CNN3: variants seen among roughly 807,000 people sequenced by gnomAD.
CNN3 encodes the protein calponin 3.
A neutral mutation model predicts 39.0 loss-of-function variants in CNN3; 11 were observed. The ratio of observed to expected loss-of-function variants is 0.28; its 90% confidence interval spans 0.18 to 0.47. The LOEUF is 0.47. CNN3 is among the 20% of genes least tolerant of loss of function. CNN3 has a pLI of 0.99. For missense variants in CNN3, 266 were observed against 403.4 expected, an observed-to-expected ratio of 0.66 and a Z score of 2.92; for synonymous variants, 101 against 138.3, an observed-to-expected ratio of 0.73 and a Z score of 1.89.
At position 94,897,619 on chromosome 1, in the gene CNN3, T is replaced by C; in HGVS notation, c.*123A>G. 1 of 908,646 alleles carries C rather than the reference T, an allele frequency of 1.1e-6. No individual in the cohort carries two copies. The highest frequency in any genetic ancestry group is 1.6e-6 in the Non-Finnish European group (1 of 606,990). The allele number at this position is 908,646 out of a possible 1,614,324, so 56.3% of individuals were successfully genotyped here. A position where few individuals can be genotyped will look rare whatever the true frequency, so the allele number is the denominator to read the frequency against. On this transcript the variant is annotated 3_prime_UTR_variant, in exon 7 of 7. Coordinates refer to ENST00000370206, the MANE Select transcript of CNN3 (RefSeq NM_001839.5). ...AAAAAGGAATGTACGTAAGGCAATT[T>C]TTCTTAAAAGTACAATAAGCTTAAT...
chr1:94,910,789 C>A (rs958735771), intron 1 of CNN3, among the ~76,000 whole-genome samples: 1 of 152,182 alleles, frequency 6.6e-6, no homozygotes, highest in Admixed American at 6.5e-5. Flanking sequence ...CACACAACAG[C>A]ATGCACGCCC....
At chr1:94,917,278 C>T (rs911063425) in intron 1 of CNN3, among the ~76,000 whole-genome samples, 3 of 152,126 alleles carry the variant, frequency 2.0e-5, no homozygotes, top group African/African-American at 7.2e-5. Flanking sequence ...TCAGTTGATC[C>T]GCCCACCTCA....
In CNN3 at chr1:94,903,673, C is replaced by T. The variant is rs1238669204; in HGVS notation, c.58-149G>A. ...CAATAGATCTCAATGGCAAACTTAACCGTTACAACTTCAGTAACTAATAAC... is the reference window on the plus strand; with the variant it reads ...CAATAGATCTCAATGGCAAACTTAATCGTTACAACTTCAGTAACTAATAAC... On this transcript the variant is annotated intron_variant, in intron 1 of 6. Transcript: ENST00000370206. The T allele has an allele frequency of 6.6e-6, 7 of 1,058,926 alleles. No homozygotes were observed. In the African/African-American group the frequency reaches 1.2e-4, roughly 17 times the overall value. 65.6% of individuals were successfully genotyped at this position (1,058,926 alleles called of 1,614,324 possible). A position where few individuals can be genotyped will look rare whatever the true frequency, so the allele number is the denominator to read the frequency against.
intron 1 of CNN3, among the ~76,000 whole-genome samples, chr1:94,905,977 C>T (rs1345278557): frequency 2.0e-5 from 3 of 152,098 alleles, no homozygotes; most frequent in Admixed American, 1.3e-4. Flanking sequence ...TTGGCAGACA[C>T]ATTTTTTAAA....
chr1:94,904,491 T>C (rs551672154), intron 1 of CNN3, among the ~76,000 whole-genome samples: 7 of 152,268 alleles, frequency 4.6e-5, no homozygotes, highest in Non-Finnish European at 7.4e-5. Flanking sequence ...GGCTCACACC[T>C]GTAATCTCGG....
Position 94,901,778 on chromosome 1 carries a change from G to A in CNN3, c.392C>T (p.Thr131Ile), listed in dbSNP as rs777529853. The A allele has an allele frequency of 6.2e-7, 1 of 1,611,040 alleles. No homozygotes were observed. The highest frequency in any genetic ancestry group is 8.5e-7 in the Non-Finnish European group (1 of 1,177,520). Residue 131 changes from threonine (T) to isoleucine (I), a missense_variant, in exon 5 of 7, where the codon ACA becomes ATA. Thr to Ile is a moderately conservative substitution (Grantham distance 89). Transcript: ENST00000370206. Reference protein sequence around the residue: ...TLVALAGLAKTKGFHTTIDIG... With the variant: ...TLVALAGLAKIKGFHTTIDIG... ...GTCAATGGTTGTATGGAATCCTTTT[G>A]TTTTAGCCTAGACAGAAACATGCAC...
intron 1 of CNN3, among the ~76,000 whole-genome samples, chr1:94,908,980 A>T (rs1308539399): frequency 4.1e-4 from 2 of 4,880 alleles, no homozygotes; most frequent in African/African-American, 1.3e-3. Context: ...CCGTCTCTTT[A>T]AAAAAAAAAA....
chr1:94,904,062 TTACTG>T (rs1224379416), intron 1 of CNN3, among the ~76,000 whole-genome samples: 2 of 152,166 alleles, frequency 1.3e-5, no homozygotes, highest in Non-Finnish European at 2.9e-5. Flanking sequence ...TCAGTACTAA[TTACTG>T]TACAATATTT....
rs560260069 is a variant in CNN3, at chr1:94,909,733, C to T, written c.58-6209G>A. On this transcript the variant is annotated intron_variant, in intron 1 of 6. Transcript: ENST00000370206. The stretch of plus-strand genomic sequence containing the variant: ...TGAGAAGCTTCCCCCTAAGAACCCT[C>T]AGAAAGGGAGAAAGAGTAAAGGGAG... 3.3e-4 allele frequency among the ~76,000 whole-genome samples: 50 copies of T among 152,128 alleles called. No homozygotes were observed. The East Asian group carries it at 5.2e-3, about 16-fold the overall frequency.
In CNN3 at chr1:94,897,765, T is replaced by C; in HGVS notation, c.967A>G (p.Ser323Gly). The change falls in exon 7 of 7, where the codon AGC becomes GGC. Residue 323 changes from serine to glycine, a missense_variant. Ser to Gly is a moderately conservative substitution (Grantham distance 56, BLOSUM62 0). Coordinates refer to ENST00000370206, the MANE Select transcript of CNN3 (RefSeq NM_001839.5). Reference protein sequence around the residue: ...QDDYPRDYQYSDQGIDY With the variant: ...QDDYPRDYQYGDQGIDY Reference sequence around the variant, plus strand: ...ATCTAATAATCAATGCCTTGGTCGCTATATTGGTAATCTCTGGGGTAGTCA... The same window carrying C: ...ATCTAATAATCAATGCCTTGGTCGCCATATTGGTAATCTCTGGGGTAGTCA... The C allele has an allele frequency of 6.2e-7, 1 of 1,613,790 alleles. No individual in the cohort carries two copies. Among genetic ancestry groups the C allele is most frequent in the Non-Finnish European group, 8.5e-7 (1 of 1,179,846 alleles).
At position 94,901,804 on chromosome 1, in the gene CNN3, A is replaced by G. The variant is rs180794542; in HGVS notation, c.385-19T>C. ...TTTTAGCCTAGACAGAAACATGCAC[A>G]CTAACTGAAAAGGCCAACAGAGTTT... On this transcript the variant is annotated intron_variant, in intron 4 of 6. Transcript: ENST00000370206. 1.3e-5 allele frequency: 20 copies of G among 1,551,722 alleles called. No homozygotes were observed. In the East Asian group the frequency reaches 4.0e-4, roughly 31 times the overall value.
chr1:94,911,776 A>T lies in CNN3; in HGVS notation c.58-8252T>A, dbSNP rs138661283. Among the ~76,000 whole-genome samples, 135 of 152,262 alleles carry T rather than the reference A, an allele frequency of 8.9e-4. 3 individuals carry two copies. The South Asian group carries it at 0.013, about 14-fold the overall frequency. ...AGAGGGAGACCCTGTCTCAAAAAAA[A>T]TATAAATAAGCCAGGCACAGTGGCT... On this transcript the variant is annotated intron_variant, in intron 1 of 6. Coordinates refer to ENST00000370206, the MANE Select transcript of CNN3 (RefSeq NM_001839.5).
chr1:94,923,498 T>A (rs1671500229), intron 1 of CNN3, among the ~76,000 whole-genome samples: 1 of 143,652 alleles, frequency 7.0e-6, no homozygotes, highest in Non-Finnish European at 1.6e-5. Context: ...CTGGAATTCT[T>A]AGGCTTTTTT....
chr1:94,905,609 T>A lies in CNN3; in HGVS notation c.58-2085A>T, dbSNP rs189516986. Among the ~76,000 whole-genome samples, 343 of 152,332 alleles carry A rather than the reference T, an allele frequency of 2.3e-3. 4 individuals are homozygous for A. Among genetic ancestry groups the A allele is most frequent in the Non-Finnish European group, 1.4e-3 (93 of 68,024 alleles). ...TCTACAGCTTTGACAGAATAATGGA[T>A]AATTGATTTGAACTGTAGATTTACT... On this transcript the variant is annotated intron_variant, in intron 1 of 6. Coordinates refer to ENST00000370206, the MANE Select transcript of CNN3 (RefSeq NM_001839.5).
intron 1 of CNN3, among the ~76,000 whole-genome samples, chr1:94,925,017 A>G (rs934805383): frequency 6.6e-5 from 10 of 152,258 alleles, no homozygotes; most frequent in East Asian, 1.9e-4. Context: ...AATATTTACA[A>G]TAATTACAGT....
At chr1:94,903,601 T>TTCACTAG (rs1670924164) in intron 1 of CNN3, 77 bp from the exon 2 acceptor site, 4 of 1,581,584 alleles carry the variant, frequency 2.5e-6, no homozygotes, top group Non-Finnish European at 3.4e-6. Flanking sequence ...GCGCTCTGCT[T>TTCACTAG]TCACTAGCCA....
At chr1:94,919,167 C>G (rs549334587) in intron 1 of CNN3, among the ~76,000 whole-genome samples, 1 of 152,218 alleles carries the variant, frequency 6.6e-6, no homozygotes, top group Non-Finnish European at 1.5e-5. Context: ...TTAAAAAATA[C>G]AACATCCAAT....
At chr1:94,911,151 C>T (rs1172977592) in intron 1 of CNN3, among the ~76,000 whole-genome samples, 3 of 152,160 alleles carry the variant, frequency 2.0e-5, no homozygotes, top group Non-Finnish European at 4.4e-5. Flanking sequence ...ACATTTGGGA[C>T]AGTGATGTCA....
intron 1 of CNN3, among the ~76,000 whole-genome samples, chr1:94,908,747 G>C (rs1048083508): frequency 6.6e-6 from 1 of 152,068 alleles, no homozygotes; most frequent in Admixed American, 6.5e-5. Context: ...CGCCATGTTG[G>C]TCAGGCTGGT....
Sources: gnomAD v4.1 joint callset for allele counts (sites outside exome capture counted in the v4.1 genomes callset) on GRCh38, gnomAD v4.1.1 for gene constraint, MANE v1.5 for transcripts, NCBI Gene and HGNC (gene_info 2026-07-23, HGNC 2026-07-21) for gene names.